Variants in LIN9 observed in about 807,000 individuals in gnomAD.
LIN9 encodes the protein protein lin-9 homolog.
In LIN9, 18 loss-of-function variants were observed where a neutral mutation model predicts 78.0. The ratio of observed to expected loss-of-function variants is 0.23; its 90% CI spans 0.16 to 0.34. LIN9 has a LOEUF of 0.34. LIN9 is among the 10% of genes least tolerant of loss of function. The pLI, the probability that LIN9 is intolerant of heterozygous loss-of-function variation, is 1.00. For missense variants in LIN9, 451 were observed against 644.1 expected (o/e 0.70, Z 3.25); for synonymous variants, 192 against 215.2 (o/e 0.89, Z 0.94).
At chr1:226,266,530 T>C (rs73087869) in intron 8 of LIN9, among the ~76,000 whole-genome samples, 198 bp from the exon 9 acceptor site, 1,663 of 146,316 alleles carry the variant, frequency 0.011, 34 homozygotes, top group African/African-American at 0.04. Context: ...AAACAGAGTA[T>C]GAAAACACTA....
At position 226,282,162 on chromosome 1, in the gene LIN9, T is replaced by C. The variant is rs1032583514; in HGVS notation, c.524+4171A>G. On this transcript the variant is annotated intron_variant, in intron 6 of 14. Coordinates refer to ENST00000681046, the MANE Select transcript of LIN9 (RefSeq NM_001366245.2). Reference sequence around the variant, plus strand: ...TCCATATTAGTACATAGAAACCATCTTCTGTTTTTGTTTTATGTTAAATGG... The same window carrying C: ...TCCATATTAGTACATAGAAACCATCCTCTGTTTTTGTTTTATGTTAAATGG... Among the ~76,000 whole-genome samples the C allele has an allele frequency of 7.2e-5, 11 of 152,208 alleles. 1 individual carries two copies. The highest frequency in any genetic ancestry group is 2.7e-4 in the African/African-American group (11 of 41,452).
chr1:226,277,828 T>G lies in LIN9; in HGVS notation c.629A>C (p.Lys210Thr), dbSNP rs200594612. The stretch of plus-strand genomic sequence containing the variant: ...CAAAGGAATTTCATCTGGGAGATCT[T>G]TGAATTGTGAAACATCTGCAACTTT... Reference protein sequence around the residue: ...QRKVADVSQFKDLPDEIPLPL... With the variant: ...QRKVADVSQFTDLPDEIPLPL... The change falls in exon 7 of 15, where the codon AAA becomes ACA. Residue 210 changes from lysine to threonine, a missense_variant. By Grantham distance (78) the Lys-to-Thr change is moderately conservative. Coordinates refer to ENST00000681046, the MANE Select transcript of LIN9 (RefSeq NM_001366245.2). 1 of 1,613,918 alleles carries G rather than the reference T, an allele frequency of 6.2e-7. No individual in the cohort carries two copies. Among genetic ancestry groups the G allele is most frequent in the East Asian group, 2.2e-5 (1 of 44,822 alleles).
In LIN9 at chr1:226,287,552, T is replaced by C. The variant is rs1576342312; in HGVS notation, c.398+112A>G. ...GGAATGTGGAACAGAAAAATGAATT[T>C]AGAGAAAAATAAGATCAAAGTAGAC... On this transcript the variant is annotated intron_variant, in intron 5 of 14. Transcript: ENST00000681046. 18 of 665,198 alleles carry C rather than the reference T, an allele frequency of 2.7e-5. 1 individual carries two copies. The East Asian group carries it at 5.5e-4, about 20-fold the overall frequency. The allele number at this position is 665,198 out of a possible 1,614,324, so 41.2% of individuals were successfully genotyped here. A position where few individuals can be genotyped will look rare whatever the true frequency, so the allele number is the denominator to read the frequency against.
chr1:226,261,981 C>G (rs1659620997), intron 10 of LIN9, among the ~76,000 whole-genome samples: 2 of 152,156 alleles, frequency 1.3e-5, no homozygotes. Context: ...AGTCAATTAT[C>G]TTCAACAAAT....
At chr1:226,245,422 C>T (rs1471320874) in intron 11 of LIN9, among the ~76,000 whole-genome samples, 2 of 143,564 alleles carry the variant, frequency 1.4e-5, no homozygotes, top group African/African-American at 2.6e-5. Context: ...ACATACTTGT[C>T]TTTTTTCCCC....
At chr1:226,283,737 C>T (rs1342575840) in intron 6 of LIN9, among the ~76,000 whole-genome samples, 1 of 152,108 alleles carries the variant, frequency 6.6e-6, no homozygotes, top group Non-Finnish European at 1.5e-5. Flanking sequence ...TGCCTGAGGT[C>T]AGATGTTTGA....
chr1:226,294,270 T>A (rs1214749873), intron 4 of LIN9, among the ~76,000 whole-genome samples: 1 of 111,414 alleles, frequency 9.0e-6, no homozygotes. Context: ...ATCGTGCCAA[T>A]GCAGTCCAAA....
chr1:226,252,773 C>A (rs1365031408), intron 10 of LIN9, among the ~76,000 whole-genome samples: 1 of 152,008 alleles, frequency 6.6e-6, no homozygotes, highest in Non-Finnish European at 1.5e-5. Flanking sequence ...TTGAGACCAA[C>A]CTGGCCAACA....
intron 1 of LIN9, among the ~76,000 whole-genome samples, chr1:226,308,366 C>T (rs1006225562): frequency 1.7e-5 from 2 of 118,474 alleles, no homozygotes; most frequent in South Asian, 2.8e-4. Context: ...GGTACACGTA[C>T]GCTGTGTTGG....
chr1:226,270,824 CAAAAAAAAAAA>C (rs764106581), intron 7 of LIN9, among the ~76,000 whole-genome samples: 6 of 22,170 alleles, frequency 2.7e-4, no homozygotes, highest in Non-Finnish European at 8.1e-4. Context: ...GACTCTGTCT[CAAAAAAAAAAA>C]AAAAAAAAAA....
intron 11 of LIN9, among the ~76,000 whole-genome samples, chr1:226,241,219 A>G (rs1576278090): frequency 6.6e-6 from 1 of 152,320 alleles, no homozygotes; most frequent in East Asian, 1.9e-4. Flanking sequence ...CATCCGAAAG[A>G]TTTTCTATAA....
intron 10 of LIN9, among the ~76,000 whole-genome samples, chr1:226,263,676 A>G (rs72762690): frequency 0.021 from 3,247 of 152,358 alleles, 51 homozygotes; most frequent in Non-Finnish European, 0.03. Flanking sequence ...TGTGAAAAGA[A>G]TAAGTCTTTG....
intron 8 of LIN9, among the ~76,000 whole-genome samples, chr1:226,267,316 A>ATG (rs60939762): frequency 0.28 from 39,901 of 142,274 alleles, 6,149 homozygotes; most frequent in Admixed American, 0.35. Flanking sequence ...TATATTATGT[A>ATG]TATATGTATG....
At chr1:226,237,938 G>T (rs1657833112) in intron 12 of LIN9, among the ~76,000 whole-genome samples, 1 of 132,570 alleles carries the variant, frequency 7.5e-6, no homozygotes. Context: ...GGGCAACAGA[G>T]TAAGACTCTG....
At chr1:226,287,526 T>A in intron 5 of LIN9, 138 bp downstream of exon 5, 1 of 570,264 alleles carries the variant, frequency 1.8e-6, no homozygotes, top group Middle Eastern at 4.8e-4. Flanking sequence ...TAGATCCAAC[T>A]GGAATGTGGA....
intron 11 of LIN9, 148 bp from the exon 12 acceptor site, chr1:226,239,244 TAA>T: frequency 1.3e-6 from 1 of 758,998 alleles, no homozygotes; most frequent in Non-Finnish European, 2.1e-6. Flanking sequence ...TTGTCTGTGA[TAA>T]TGGCATTGTT....
intron 10 of LIN9, among the ~76,000 whole-genome samples, chr1:226,263,644 A>T (rs1195904158): frequency 6.6e-6 from 1 of 152,200 alleles, no homozygotes; most frequent in Non-Finnish European, 1.5e-5. Flanking sequence ...TAAAAGAAAA[A>T]ATTAAAAACA....
chr1:226,301,249 A>C, intron 1 of LIN9, 44 bp from the exon 2 acceptor site: 2 of 1,484,412 alleles, frequency 1.3e-6, no homozygotes, highest in Non-Finnish European at 1.8e-6. Context: ...TTCATAACCA[A>C]AGTGAGAGAA....
chr1:226,309,668 CT>C, upstream of LIN9: 3 of 1,283,660 alleles, frequency 2.3e-6, no homozygotes, highest in Non-Finnish European at 2.0e-6. Flanking sequence ...CGTCCCCTCA[CT>C]TTTCCCGAGA....
Sources: gnomAD v4.1 joint callset for allele counts (sites outside exome capture counted in the v4.1 genomes callset) on GRCh38, gnomAD v4.1.1 for gene constraint, MANE v1.5 for transcripts, NCBI Gene and HGNC (gene_info 2026-07-23, HGNC 2026-07-21) for gene names.